The following AOPEP variants were observed in gnomAD, a reference collection of about 807,000 sequenced individuals.
AOPEP encodes aminopeptidase O.
A neutral mutation model predicts 98.1 loss-of-function variants in AOPEP; 77 were observed. That is an observed-to-expected ratio of 0.78 (90% CI 0.65 to 0.95). AOPEP has a LOEUF of 0.95. Among genes scored for constraint, AOPEP ranks in the 40% least tolerant of loss-of-function variants. The pLI is 0.00. For synonymous variants in AOPEP, 346 were observed against 365.3 expected, an observed-to-expected ratio of 0.95 and a Z score of 0.60; for missense variants, 1,024 against 1,024.7, an observed-to-expected ratio of 1.00 and a Z score of 0.01.
the AOPEP span, chr9:95,101,744 G>A: frequency 3.1e-6 from 5 of 1,614,102 alleles, no homozygotes; most frequent in Non-Finnish European, 4.2e-6. Flanking sequence ...GAGCTCTCGG[G>A]CCAGTTTTTC....
rs2058428299 is a variant in AOPEP at position 94,956,012 on chromosome 9, C to T, written c.1869C>T (p.Ser623=). 1 of 1,604,154 alleles carries T rather than the reference C, an allele frequency of 6.2e-7. No homozygotes were observed. ...CATTTCATGGACAGCTGATTCTTTC[C>T]CAGGTAACTTATGGGTCCTCATGAG... ...VHTFHGQLIL[S]QDFLQMLLEN... is the part of the protein sequence containing the mutation. Residue 623 remains serine, a synonymous_variant, in exon 9 of 17, where the codon TCC becomes TCT. Transcript: ENST00000375315.
chr9:94,835,991 T>C (rs2041552610), intron 5 of AOPEP, among the ~76,000 whole-genome samples: 1 of 152,218 alleles, frequency 6.6e-6, no homozygotes, highest in Non-Finnish European at 1.5e-5. Flanking sequence ...TCTTGAGGTC[T>C]GAGGTGCAGT....
chr9:95,113,888 C>T, the AOPEP span: 1 of 152,904 alleles, frequency 6.5e-6, no homozygotes, highest in Non-Finnish European at 1.5e-5. Context: ...TCCCCAAGTG[C>T]TGGGATTACA....
intron 10 of AOPEP, among the ~76,000 whole-genome samples, chr9:94,971,169 A>G (rs1340129467): frequency 6.6e-6 from 1 of 152,126 alleles, no homozygotes; most frequent in African/African-American, 2.4e-5. Flanking sequence ...CTGAGCCCAC[A>G]AAGAGACTTT....
intron 5 of AOPEP, among the ~76,000 whole-genome samples, chr9:94,884,881 C>T (rs10739989): frequency 0.87 from 128,997 of 147,990 alleles, 57,955 homozygotes; most frequent in East Asian, 0.97. Context: ...TGGTGGCGGG[C>T]GCCTGTAGTC....
intron 1 of AOPEP, among the ~76,000 whole-genome samples, chr9:94,746,227 CA>C (rs1279374002): frequency 6.6e-6 from 1 of 152,088 alleles, no homozygotes; most frequent in Middle Eastern, 3.2e-3. Flanking sequence ...TTTGGTTTTC[CA>C]TGTGACATTG....
At chr9:95,085,937 C>G (rs1049819138) in intron 16 of AOPEP, 47 of 1,306,080 alleles carry the variant, frequency 3.6e-5, no homozygotes, top group African/African-American at 4.5e-5. Flanking sequence ...CAGTCCAGGC[C>G]TTCGCGTCTC....
chr9:94,844,592 C>A (rs1292027050), intron 5 of AOPEP, among the ~76,000 whole-genome samples: 2 of 152,230 alleles, frequency 1.3e-5, no homozygotes, highest in Non-Finnish European at 2.9e-5. Context: ...CCAGAACTTA[C>A]TCTTCCAGTC....
At chr9:95,081,650 A>C (rs537103679) in intron 15 of AOPEP, among the ~76,000 whole-genome samples, 11 of 152,382 alleles carry the variant, frequency 7.2e-5, no homozygotes, top group Admixed American at 5.2e-4. Context: ...GTATCTGGAA[A>C]AACATACAGG....
intron 5 of AOPEP, among the ~76,000 whole-genome samples, chr9:94,918,422 C>T: frequency 6.6e-6 from 1 of 152,190 alleles, no homozygotes; most frequent in East Asian, 1.9e-4. Flanking sequence ...ATTGGTGCCT[C>T]CTGAAGACAG....
At chr9:94,833,274 G>A (rs568323987) in intron 5 of AOPEP, among the ~76,000 whole-genome samples, 37 of 108,716 alleles carry the variant, frequency 3.4e-4, no homozygotes, top group African/African-American at 1.1e-3. Context: ...AGTTTTGCTC[G>A]TTTTCCACAC....
intron 13 of AOPEP, among the ~76,000 whole-genome samples, chr9:95,060,137 A>T (rs557662178): frequency 6.6e-6 from 1 of 152,370 alleles, no homozygotes; most frequent in South Asian, 2.1e-4. Flanking sequence ...AGTTGTGTAC[A>T]GCCTTTTGAG....
At chr9:94,961,908 C>CT (rs1359281904) in intron 9 of AOPEP, among the ~76,000 whole-genome samples, 10 of 152,308 alleles carry the variant, frequency 6.6e-5, no homozygotes, top group African/African-American at 2.4e-4. Context: ...CTCTCCTGAC[C>CT]TTTCGTTTAT....
At chr9:94,763,774 C>T (rs574949940) in intron 2 of AOPEP, among the ~76,000 whole-genome samples, 1 of 152,210 alleles carries the variant, frequency 6.6e-6, no homozygotes, top group Non-Finnish European at 1.5e-5. Context: ...AAGAGCTCCT[C>T]ATGCCCCAAG....
intron 13 of AOPEP, among the ~76,000 whole-genome samples, chr9:95,060,213 T>C (rs1357523107): frequency 6.6e-6 from 1 of 152,226 alleles, no homozygotes; most frequent in African/African-American, 2.4e-5. Context: ...CAGTATGTGC[T>C]CTTTATTTCT....
intron 3 of AOPEP, 49 bp from the exon 4 acceptor site, chr9:94,792,716 C>A: frequency 2.7e-6 from 4 of 1,499,698 alleles, no homozygotes; most frequent in Non-Finnish European, 3.6e-6. Context: ...ACAGCAGAGC[C>A]CAGGATCATA....
At chr9:94,956,317 T>C (rs1444544278) in intron 9 of AOPEP, among the ~76,000 whole-genome samples, 1 of 152,232 alleles carries the variant, frequency 6.6e-6, no homozygotes, top group African/African-American at 2.4e-5. Context: ...GCCTCCTTCT[T>C]ACCTTCTAGT....
intron 5 of AOPEP, among the ~76,000 whole-genome samples, chr9:94,849,377 A>G (rs1374765094): frequency 6.6e-6 from 1 of 152,168 alleles, no homozygotes; most frequent in African/African-American, 2.4e-5. Context: ...CTCAATAAAT[A>G]TTCATAGTAA....
At chr9:95,078,899 ACTTC>A (rs1470247575) in intron 14 of AOPEP, among the ~76,000 whole-genome samples, 4 of 152,198 alleles carry the variant, frequency 2.6e-5, no homozygotes, top group Non-Finnish European at 5.9e-5. Flanking sequence ...TGGTGAGCTA[ACTTC>A]TTTGAGCTCT....
Sources: allele counts gnomAD v4.1 joint callset (sites outside exome capture counted in the v4.1 genomes callset), GRCh38; gene constraint gnomAD v4.1.1; transcripts MANE v1.5; gene names NCBI Gene and HGNC (gene_info 2026-07-23, HGNC 2026-07-21).